DENND6B: variants seen among roughly 807,000 people sequenced by gnomAD.
The protein encoded by DENND6B is protein DENND6B.
A neutral mutation model predicts 85.1 loss-of-function variants in DENND6B; 73 were observed. The ratio of observed to expected loss-of-function variants is 0.86; its 90% CI spans 0.71 to 1.04. DENND6B has a LOEUF of 1.04. Among genes scored for constraint, DENND6B ranks in the 50% least tolerant of loss-of-function variants. The pLI is 0.00. For missense variants in DENND6B, 715 were observed against 785.8 expected (o/e 0.91, Z 1.08); for synonymous variants, 357 against 329.3 (o/e 1.08, Z -0.91).
chr22:50,318,045 C>A, intron 3 of DENND6B, 25 bp from the exon 4 acceptor site: 4 of 1,608,766 alleles, frequency 2.5e-6, no homozygotes, highest in South Asian at 1.1e-5. Context: ...CCCCACCACA[C>A]GGGTCAAGGC....
rs1042512436 is a variant in DENND6B, at chr22:50,319,192, T to C, written c.178-189A>G. On this transcript the variant is annotated intron_variant, in intron 1 of 19. Transcript: ENST00000413817. ...AGCACGCTGCATCCTCCCCACACCA[T>C]ATTCTCTGTGTTCCAACAGCATGCT... 1.6e-5 allele frequency: 24 copies of C among 1,503,648 alleles called. No homozygotes were observed. The Middle Eastern group carries it at 7.0e-4, about 44-fold the overall frequency. The allele number at this position is 1,503,648 out of a possible 1,614,324, so 93.1% of individuals were successfully genotyped here. A position where few individuals can be genotyped will look rare whatever the true frequency, so the allele number is the denominator to read the frequency against.
intron 1 of DENND6B, chr22:50,319,287 C>T (rs1304338212): frequency 1.0e-5 from 10 of 985,380 alleles, no homozygotes; most frequent in Non-Finnish European, 1.1e-5. Context: ...TATCTCTGAC[C>T]TCCAGGCACC....
chr22:50,313,522 T>C (rs1287121091), intron 15 of DENND6B, 23 bp from the exon 16 acceptor site: 10 of 1,535,250 alleles, frequency 6.5e-6, no homozygotes, highest in Admixed American at 2.0e-5. Flanking sequence ...GGGAGGGGAG[T>C]GAGCCCGGGG....
chr22:50,326,757 C>T, intron 1 of DENND6B, 55 bp downstream of exon 1: 1 of 1,309,664 alleles, frequency 7.6e-7, no homozygotes, highest in Non-Finnish European at 9.7e-7. Flanking sequence ...GCGGGACTGG[C>T]CCCGAGAGGC....
At position 50,309,815 on chromosome 22, in the gene DENND6B, TCTGCAGCCCTCTGTGCTGTG is replaced by T. The variant is rs1441399360; in HGVS notation, c.*2304_*2323del. ...AGCCCCTCCCCTGCAGCCATGTGGG[TCTGCAGCCCTCTGTGCTGTG>T]CGGCAGCCCTCAGAAAGCCAAGTGA... On this transcript the variant is annotated 3_prime_UTR_variant, in exon 20 of 20. Transcript: ENST00000413817. 1 of 152,290 alleles carries T rather than the reference TCTGCAGCCCTCTGTGCTGTG, an allele frequency of 6.6e-6. No homozygotes were observed. Among genetic ancestry groups the T allele is most frequent in the Non-Finnish European group, 1.5e-5 (1 of 68,094 alleles). 9.4% of individuals were successfully genotyped at this position (152,290 alleles called of 1,614,324 possible). A position where few individuals can be genotyped will look rare whatever the true frequency, so the allele number is the denominator to read the frequency against.
rs1601805634 is a variant in DENND6B, at chr22:50,313,303, G to T, written c.1347+143C>A. On this transcript the variant is annotated intron_variant, in intron 16 of 19. Transcript: ENST00000413817. ...GGGTCCTGCCAGCCACCTGCCCTGT[G>T]GCCCCCAGTTTCACAAACATGATGG... The T allele has an allele frequency of 1.1e-5, 14 of 1,255,720 alleles. No homozygotes were observed. In the East Asian group the frequency reaches 3.3e-4, roughly 30 times the overall value. 77.8% of individuals were successfully genotyped at this position (1,255,720 alleles called of 1,614,324 possible).
Position 50,327,012 on chromosome 22 carries a change from G to C in DENND6B, c.-24C>G. On this transcript the variant is annotated 5_prime_UTR_variant, in exon 1 of 20. Transcript: ENST00000413817. ...ATGGCGGCGGCCGCGGGTTGCCGGG[G>C]AAACGCGGGCGGGGGCGGCGCGCGT... 3 of 1,164,388 alleles carry C rather than the reference G, an allele frequency of 2.6e-6. No homozygotes were observed. Among genetic ancestry groups the C allele is most frequent in the Non-Finnish European group, 3.2e-6 (3 of 946,132 alleles). 72.1% of individuals were successfully genotyped at this position (1,164,388 alleles called of 1,614,324 possible). A position where few individuals can be genotyped will look rare whatever the true frequency, so the allele number is the denominator to read the frequency against.
Position 50,311,964 on chromosome 22 carries a change from GTGGT to G in DENND6B, c.*171_*174del. Reference sequence around the variant, plus strand: ...GAACCCCTATGGTCAAGGCCATGCTGTGGTTCCAAATGTCGCCTTTACTGCTGAG... The same window carrying G: ...GAACCCCTATGGTCAAGGCCATGCTGTCCAAATGTCGCCTTTACTGCTGAG... On this transcript the variant is annotated 3_prime_UTR_variant, in exon 20 of 20. Transcript: ENST00000413817. The G allele has an allele frequency of 2.7e-6, 3 of 1,110,500 alleles. No individual in the cohort carries two copies. Among genetic ancestry groups the G allele is most frequent in the Non-Finnish European group, 3.7e-6 (3 of 801,862 alleles). 68.8% of individuals were successfully genotyped at this position (1,110,500 alleles called of 1,614,324 possible). A position where few individuals can be genotyped will look rare whatever the true frequency, so the allele number is the denominator to read the frequency against.
chr22:50,319,462 C>T, intron 1 of DENND6B: 3 of 985,444 alleles, frequency 3.0e-6, no homozygotes, highest in Non-Finnish European at 3.6e-6. Context: ...GCAGTTGGGC[C>T]CCCCTGCCCC....
At chr22:50,325,083 G>A (rs918631583) in intron 1 of DENND6B, among the ~76,000 whole-genome samples, 2 of 152,088 alleles carry the variant, frequency 1.3e-5, no homozygotes, top group Admixed American at 6.6e-5. Context: ...CTCAGGCCCC[G>A]GTGGATCCAC....
Position 50,318,880 on chromosome 22 carries a change from T to C in DENND6B, c.226A>G (p.Ile76Val). ...FRLTDKEKSSICYLSFPDSHS... is the reference protein window; with the variant it reads ...FRLTDKEKSSVCYLSFPDSHS... ...GAGTCGGGAAAAGACAGGTAGCAGATGCTGCTTTTCTGAAACATATAAAAC... is the reference window on the plus strand; with the variant it reads ...GAGTCGGGAAAAGACAGGTAGCAGACGCTGCTTTTCTGAAACATATAAAAC... The change falls in exon 3 of 20, where the codon ATC becomes GTC. Residue 76 changes from isoleucine to valine, a missense_variant. By Grantham distance (29) the Ile-to-Val change is conservative. Coordinates refer to ENST00000413817, the MANE Select transcript of DENND6B (RefSeq NM_001001794.4). 2 of 1,613,292 alleles carry C rather than the reference T, an allele frequency of 1.2e-6. No individual in the cohort carries two copies. Among genetic ancestry groups the C allele is most frequent in the African/African-American group, 2.7e-5 (2 of 75,016 alleles).
At position 50,316,422 on chromosome 22, in the gene DENND6B, T is replaced by A. The variant is rs1362802117; in HGVS notation, c.507A>T (p.Leu169=). Residue 169 remains leucine (L), a synonymous_variant, in exon 6 of 20, where the codon CTA becomes CTT. Transcript: ENST00000413817. Reference sequence around the variant, plus strand: ...CAAAGTACTCGGGGGCGATGAGGCTTAGCAGCGCTTGGAACAGCCGGACAA... The same window carrying A: ...CAAAGTACTCGGGGGCGATGAGGCTAAGCAGCGCTTGGAACAGCCGGACAA... ...LPFVRLFQAL[L]SLIAPEYFDK... is the part of the protein sequence containing the mutation. 6.3e-7 allele frequency: 1 copy of A among 1,589,290 alleles called. No homozygotes were observed. The highest frequency in any genetic ancestry group is 8.6e-7 in the Non-Finnish European group (1 of 1,169,472).
intron 1 of DENND6B, among the ~76,000 whole-genome samples, chr22:50,320,413 G>C (rs2042006707): frequency 6.6e-6 from 1 of 152,232 alleles, no homozygotes; most frequent in Non-Finnish European, 1.5e-5. Context: ...TCTTCTGTTT[G>C]CTCTGGGCTT....
In DENND6B at chr22:50,313,069, G is replaced by C. The variant is rs2068104424; in HGVS notation, c.1387C>G (p.Leu463Val). ...QIQPFSQDDF[L>V]RSLEHAGPQL... ...GGCCCAGCATGCTCCAGGCTACGCA[G>C]GAAGTCATCCTGGCTGAAGGGCTGG... Residue 463 changes from leucine (L) to valine (V), a missense_variant, in exon 17 of 20, where the codon CTG becomes GTG. Coordinates refer to ENST00000413817, the MANE Select transcript of DENND6B (RefSeq NM_001001794.4). The C allele has an allele frequency of 6.4e-7, 1 of 1,560,104 alleles. No homozygotes were observed. Among genetic ancestry groups the C allele is most frequent in the Non-Finnish European group, 8.7e-7 (1 of 1,152,784 alleles).
Position 50,312,537 on chromosome 22 carries a change from C to T in DENND6B, c.1546G>A (p.Ala516Thr). The change falls in exon 18 of 20, where the codon GCT (alanine) becomes ACT (threonine). Residue 516 changes from alanine (A) to threonine (T), a missense_variant. By Grantham distance (58) the Ala-to-Thr change is moderately conservative (BLOSUM62 0). Transcript: ENST00000413817. ...GCCTCTCTCACCGCCTCACAGATAG[C>T]CTCCAGGTGCAGGGCCTCCAGCTTC... The part of the protein sequence containing the change: ...ALKLEALHLE[A>T]ICEANIETWM... 6.3e-7 allele frequency: 1 copy of T among 1,591,710 alleles called. No homozygotes were observed. Among genetic ancestry groups the T allele is most frequent in the Admixed American group, 1.8e-5 (1 of 56,752 alleles).
intron 4 of DENND6B, 111 bp downstream of exon 4, chr22:50,317,797 C>T: frequency 2.6e-6 from 3 of 1,140,968 alleles, no homozygotes; most frequent in South Asian, 3.2e-5. Flanking sequence ...AGCTCCTCTC[C>T]TGCCACACAG....
In DENND6B at chr22:50,311,885, A is replaced by C; in HGVS notation, c.*254T>G. On this transcript the variant is annotated 3_prime_UTR_variant, in exon 20 of 20. Coordinates refer to ENST00000413817, the MANE Select transcript of DENND6B (RefSeq NM_001001794.4). Reference sequence around the variant, plus strand: ...CCTGTCCCCGCCCCCGTCCCAGCCTAAGGTCTGCAGAGGCCAGGTGGGACC... The same window carrying C: ...CCTGTCCCCGCCCCCGTCCCAGCCTCAGGTCTGCAGAGGCCAGGTGGGACC... The C allele has an allele frequency of 1.8e-6, 1 of 562,390 alleles. No individual in the cohort carries two copies. The highest frequency in any genetic ancestry group is 3.4e-5 in the East Asian group (1 of 29,514). 34.8% of individuals were successfully genotyped at this position (562,390 alleles called of 1,614,324 possible).
intron 1 of DENND6B, among the ~76,000 whole-genome samples, chr22:50,325,468 C>CT (rs2042165309): frequency 6.6e-6 from 1 of 151,608 alleles, no homozygotes; most frequent in African/African-American, 2.4e-5. Context: ...TCCCGAGTAG[C>CT]TAGGACTACA....
At chr22:50,317,072 G>T (rs1174749786) in intron 5 of DENND6B, 2 of 301,744 alleles carry the variant, frequency 6.6e-6, no homozygotes, top group Non-Finnish European at 1.2e-5. Context: ...AGGGTGGGGG[G>T]GGGCGGCGAG....
Sources: gnomAD v4.1 joint callset for allele counts (sites outside exome capture counted in the v4.1 genomes callset) on GRCh38, gnomAD v4.1.1 for gene constraint, MANE v1.5 for transcripts, NCBI Gene and HGNC (gene_info 2026-07-23, HGNC 2026-07-21) for gene names.